Variants in MAN2B2 observed in about 807,000 individuals in gnomAD.
MAN2B2 encodes the protein mannosidase alpha class 2B member 2, also known as epididymis-specific alpha-mannosidase.
Under a neutral mutation model 117.1 loss-of-function variants are expected in MAN2B2, and 106 were observed. That is an observed-to-expected ratio of 0.90 (90% CI 0.77 to 1.06). MAN2B2 has a LOEUF of 1.06. Among genes scored for constraint, MAN2B2 ranks in the 50% least tolerant of loss-of-function variants. The pLI, the probability that MAN2B2 is intolerant of heterozygous loss-of-function variation, is 0.00. For synonymous variants in MAN2B2, 544 were observed against 595.1 expected (o/e 0.91, Z 1.25); for missense variants, 1,326 against 1,381.4 (o/e 0.96, Z 0.64).
chr4:6,578,040 G>GTTAAA (rs1475491192), intron 2 of MAN2B2, among the ~76,000 whole-genome samples: 2 of 152,120 alleles, frequency 1.3e-5, no homozygotes, highest in African/African-American at 4.8e-5. Flanking sequence ...AGACGGGGAT[G>GTTAAA]TTAAGCAAAT....
In MAN2B2 at chr4:6,605,048, C is replaced by A. The variant is rs201214500; in HGVS notation, c.1540-7C>A. The A allele has an allele frequency of 1.4e-5, 23 of 1,606,042 alleles. No individual in the cohort carries two copies. In the African/African-American group the frequency reaches 3.1e-4, roughly 21 times the overall value. On this transcript the variant is annotated splice_region_variant and splice_polypyrimidine_tract_variant and intron_variant, in intron 10 of 18. Transcript: ENST00000285599. ...AGTTAACAAGTCTCATCCTGCTGGC[C>A]TTGCAGATCCAGAACTCAACAGAGA...
chr4:6,590,764 T>C (rs1726825923), intron 5 of MAN2B2, among the ~76,000 whole-genome samples: 1 of 152,220 alleles, frequency 6.6e-6, no homozygotes, highest in Non-Finnish European at 1.5e-5. Flanking sequence ...TGACGTGGCC[T>C]GGCTTTGTTG....
Position 6,614,300 on chromosome 4 carries a change from C to A in MAN2B2, c.2646C>A (p.Ile882=), listed in dbSNP as rs1711745590. The change falls in exon 16 of 19, where the codon ATC becomes ATA. Residue 882 remains isoleucine (I), a synonymous_variant. Coordinates refer to ENST00000285599, the MANE Select transcript of MAN2B2 (RefSeq NM_015274.3). ...PPNLHLQILS[I]PGWRYSSNHT... ...ATCTTCACCTGCAGATCCTGAGCATCCCTGGCTGGCGCTACAGCTCCAACC... is the reference window on the plus strand; with the variant it reads ...ATCTTCACCTGCAGATCCTGAGCATACCTGGCTGGCGCTACAGCTCCAACC... 5.0e-6 allele frequency: 8 copies of A among 1,614,174 alleles called. No homozygotes were observed. The highest frequency in any genetic ancestry group is 6.8e-6 in the Non-Finnish European group (8 of 1,180,006).
At position 6,593,041 on chromosome 4, in the gene MAN2B2, A is replaced by G; in HGVS notation, c.681-132A>G. On this transcript the variant is annotated intron_variant, in intron 5 of 18. Coordinates refer to ENST00000285599, the MANE Select transcript of MAN2B2 (RefSeq NM_015274.3). ...ATCTGTGACCCACCGTCGGTCATGG[A>G]GTGGGAGAATTCAGTCTCAGGGTGA... The G allele has an allele frequency of 8.6e-6, 7 of 816,002 alleles. No individual in the cohort carries two copies. In the South Asian group the frequency reaches 1.2e-4, roughly 14 times the overall value. 50.5% of individuals were successfully genotyped at this position (816,002 alleles called of 1,614,324 possible).
At position 6,575,431 on chromosome 4, in the gene MAN2B2, G is replaced by A; in HGVS notation, c.138+83G>A. On this transcript the variant is annotated intron_variant, in intron 1 of 18. Transcript: ENST00000285599. ...GATCTGAGTGTGGGTTTGCGTCCCG[G>A]GGCCCGATGCCGGCGCAGAAGGAGG... 3.6e-6 allele frequency: 4 copies of A among 1,112,670 alleles called. No homozygotes were observed. The South Asian group carries it at 7.0e-5, about 20-fold the overall frequency. The allele number at this position is 1,112,670 out of a possible 1,614,324, so 68.9% of individuals were successfully genotyped here. A position where few individuals can be genotyped will look rare whatever the true frequency, so the allele number is the denominator to read the frequency against.
intron 10 of MAN2B2, among the ~76,000 whole-genome samples, chr4:6,601,709 T>C (rs1727337978): frequency 6.6e-6 from 1 of 152,268 alleles, no homozygotes; most frequent in African/African-American, 2.4e-5. Flanking sequence ...TGTTATGAAC[T>C]TTAGAAGACA....
In MAN2B2 at chr4:6,608,985, C is replaced by T. The variant is rs1057374390; in HGVS notation, c.1815-122C>T. On this transcript the variant is annotated intron_variant, in intron 11 of 18. Coordinates refer to ENST00000285599, the MANE Select transcript of MAN2B2 (RefSeq NM_015274.3). ...CAGGGCTTCTAGATGAGCTGAGTCACATGGCCTCGTGAGTGCTACGCAGGC... is the reference window on the plus strand; with the variant it reads ...CAGGGCTTCTAGATGAGCTGAGTCATATGGCCTCGTGAGTGCTACGCAGGC... 3.4e-5 allele frequency: 28 copies of T among 830,256 alleles called. No homozygotes were observed. In the East Asian group the frequency reaches 4.6e-4, roughly 14 times the overall value. The allele number at this position is 830,256 out of a possible 1,614,324, so 51.4% of individuals were successfully genotyped here.
Position 6,600,776 on chromosome 4 carries a change from C to T in MAN2B2, c.1539+20C>T, listed in dbSNP as rs1727296670. The T allele has an allele frequency of 6.2e-7, 1 of 1,612,274 alleles. No individual in the cohort carries two copies. ...TCGCAGGTATGGACACAAAATCCTG[C>T]TGGAGGGGCCTTAGCTGCTTGCTGA... is the stretch of plus-strand genomic sequence containing the variant. On this transcript the variant is annotated intron_variant, in intron 10 of 18. Coordinates refer to ENST00000285599, the MANE Select transcript of MAN2B2 (RefSeq NM_015274.3).
intron 7 of MAN2B2, 111 bp from the exon 8 acceptor site, chr4:6,597,002 C>G: frequency 9.0e-7 from 1 of 1,108,572 alleles, no homozygotes; most frequent in Admixed American, 2.3e-5. Flanking sequence ...CTTGGGTGAC[C>G]CTGGCAGAGG....
chr4:6,584,398 G>A (rs1726555435), intron 3 of MAN2B2, among the ~76,000 whole-genome samples: 2 of 152,232 alleles, frequency 1.3e-5, no homozygotes, highest in Non-Finnish European at 1.5e-5. Flanking sequence ...GAAGAGAGGG[G>A]GCTTTCTATA....
Position 6,605,140 on chromosome 4 carries a change from T to C in MAN2B2, c.1625T>C (p.Ile542Thr). The change falls in exon 11 of 19, where the codon ATC becomes ACC. Residue 542 changes from isoleucine to threonine, a missense_variant. By Grantham distance (89) the Ile-to-Thr change is moderately conservative (BLOSUM62 -1). Transcript: ENST00000285599. ...GGCCTCAGTTACCGGCACTACAACA[T>C]CAGACCCACTGCAGGGGCCCAAGAG... ...IPGLSYRHYNIRPTAGAQEGT... is the reference protein window; with the variant it reads ...IPGLSYRHYNTRPTAGAQEGT... The C allele has an allele frequency of 6.2e-7, 1 of 1,614,180 alleles. No homozygotes were observed. Among genetic ancestry groups the C allele is most frequent in the Admixed American group, 1.7e-5 (1 of 60,014 alleles).
chr4:6,578,998 T>TACCATCACCACCACCACCACCATC (rs1560633990), intron 3 of MAN2B2, among the ~76,000 whole-genome samples: 2 of 91,148 alleles, frequency 2.2e-5, no homozygotes, highest in Non-Finnish European at 2.4e-5. Flanking sequence ...TCACTACCAC[T>TACCATCACCACCACCACCACCATC]ACCATCACCA....
intron 5 of MAN2B2, 42 bp downstream of exon 5, chr4:6,589,202 G>C (rs1438739279): frequency 6.9e-7 from 1 of 1,453,778 alleles, no homozygotes; most frequent in South Asian, 1.1e-5. Flanking sequence ...TCAGACAGCA[G>C]GGTCTGCCCA....
chr4:6,610,993 A>C lies in MAN2B2; in HGVS notation c.2370+3A>C. On this transcript the variant is annotated splice_donor_region_variant and intron_variant, in intron 14 of 18. Coordinates refer to ENST00000285599, the MANE Select transcript of MAN2B2 (RefSeq NM_015274.3). ...GCCAAGGGAATGGGCAGGTGGAGGT[A>C]GGAGGCACGGTCTGTCCTACAGCAG... is the stretch of plus-strand genomic sequence containing the variant. 1 of 1,614,144 alleles carries C rather than the reference A, an allele frequency of 6.2e-7. No individual in the cohort carries two copies. The highest frequency in any genetic ancestry group is 8.5e-7 in the Non-Finnish European group (1 of 1,180,004).
In MAN2B2 at chr4:6,605,294, C is replaced by T. The variant is rs1376318679; in HGVS notation, c.1779C>T (p.Asp593=). 9 of 1,613,512 alleles carry T rather than the reference C, an allele frequency of 5.6e-6. No individual in the cohort carries two copies. The highest frequency in any genetic ancestry group is 7.6e-6 in the Non-Finnish European group (9 of 1,179,530). Residue 593 remains aspartate (D), a synonymous_variant, in exon 11 of 19, where the codon GAC becomes GAT. Coordinates refer to ENST00000285599, the MANE Select transcript of MAN2B2 (RefSeq NM_015274.3). ...ACGACTGCTACATTGTGCTGCTCGA[C>T]CAGGATACCAACCTGATGCACAGCA... The part of the protein sequence containing the change: ...VANDCYIVLL[D]QDTNLMHSIW...
At chr4:6,615,005 T>C (rs1175961715) in intron 16 of MAN2B2, among the ~76,000 whole-genome samples, 1 of 152,144 alleles carries the variant, frequency 6.6e-6, no homozygotes, top group African/African-American at 2.4e-5. Context: ...GCACCTCCTC[T>C]GCCCCCTCTA....
chr4:6,614,935 G>T (rs1435309993), intron 16 of MAN2B2, among the ~76,000 whole-genome samples: 2 of 152,228 alleles, frequency 1.3e-5, no homozygotes, highest in Non-Finnish European at 1.5e-5. Context: ...ATGATGGGGG[G>T]CTCCCCGAGG....
intron 11 of MAN2B2, among the ~76,000 whole-genome samples, chr4:6,606,188 G>A (rs1248950020): frequency 6.6e-6 from 1 of 152,192 alleles, no homozygotes; most frequent in Non-Finnish European, 1.5e-5. Context: ...GAAGGGAGAG[G>A]GGCATTTGTA....
intron 3 of MAN2B2, among the ~76,000 whole-genome samples, chr4:6,583,043 G>T (rs944350966): frequency 6.6e-6 from 1 of 152,192 alleles, no homozygotes; most frequent in African/African-American, 2.4e-5. Context: ...GTGACCCAGG[G>T]ATCCACGTTG....
Sources: allele counts gnomAD v4.1 joint callset (sites outside exome capture counted in the v4.1 genomes callset), GRCh38; gene constraint gnomAD v4.1.1; transcripts MANE v1.5; gene names NCBI Gene and HGNC (gene_info 2026-07-23, HGNC 2026-07-21).